The following PLA2G6 variants were observed in gnomAD, a reference collection of about 807,000 sequenced individuals.
PLA2G6 encodes the protein phospholipase A2 group VI.
A neutral mutation model predicts 83.8 loss-of-function variants in PLA2G6; 62 were observed. That is an observed-to-expected ratio of 0.74 (90% CI 0.60 to 0.91). The LOEUF is 0.91. PLA2G6 is among the 40% of genes least tolerant of loss of function. The pLI is 0.00. For missense variants in PLA2G6, 944 were observed against 1,102.0 expected, an observed-to-expected ratio of 0.86 and a Z score of 2.03; for synonymous variants, 417 against 449.8, an observed-to-expected ratio of 0.93 and a Z score of 0.92.
intron 2 of PLA2G6, among the ~76,000 whole-genome samples, chr22:38,154,032 C>T (rs2145867951): frequency 6.6e-6 from 1 of 152,308 alleles, no homozygotes; most frequent in South Asian, 2.1e-4. Context: ...GAGGGAAGAG[C>T]AGGAAGGACT....
intron 2 of PLA2G6, among the ~76,000 whole-genome samples, chr22:38,152,841 C>T (rs139040749): frequency 3.3e-5 from 5 of 152,162 alleles, no homozygotes; most frequent in South Asian, 2.1e-4. Context: ...CATATGAAAA[C>T]GCTCAATCAC....
At chr22:38,112,331 C>A in intron 16 of PLA2G6, 26 bp from the exon 17 acceptor site, 1 of 1,611,176 alleles carries the variant, frequency 6.2e-7, no homozygotes, top group South Asian at 1.1e-5. Flanking sequence ...AGGAGGGGGT[C>A]ACCCTAGGAT....
At chr22:38,165,537 A>G (rs1602255542) in intron 2 of PLA2G6, among the ~76,000 whole-genome samples, 1 of 152,180 alleles carries the variant, frequency 6.6e-6, no homozygotes, top group East Asian at 1.9e-4. Context: ...AAACTTGATC[A>G]CACTGGGCCC....
chr22:38,165,458 C>T (rs1368430914), intron 2 of PLA2G6, among the ~76,000 whole-genome samples: 1 of 152,172 alleles, frequency 6.6e-6, no homozygotes, highest in Non-Finnish European at 1.5e-5. Flanking sequence ...GGGAGTATTC[C>T]AGGCCACAGC....
At chr22:38,171,410 G>A (rs556547303) in intron 1 of PLA2G6, among the ~76,000 whole-genome samples, 4 of 152,240 alleles carry the variant, frequency 2.6e-5, no homozygotes, top group East Asian at 1.9e-4. Flanking sequence ...TGCCCAGGCT[G>A]GAGTACAGTG....
intron 10 of PLA2G6, among the ~76,000 whole-genome samples, chr22:38,124,253 C>T (rs943813374): frequency 2.6e-5 from 4 of 152,158 alleles, no homozygotes; most frequent in African/African-American, 9.7e-5. Flanking sequence ...GTGATCCTCC[C>T]GAGTAGCTGG....
intron 12 of PLA2G6, among the ~76,000 whole-genome samples, chr22:38,119,069 A>C (rs2087375385): frequency 2.0e-5 from 3 of 151,992 alleles, no homozygotes; most frequent in Admixed American, 6.6e-5. Context: ...GCATATTCCT[A>C]TTTTTGAGAA....
chr22:38,139,451 T>TTTATTTA (rs1569270652), intron 5 of PLA2G6: 2 of 79,040 alleles, frequency 2.5e-5, no homozygotes, highest in African/African-American at 8.4e-5. Flanking sequence ...TTATTTATTT[T>TTTATTTA]TTGAGACAGT....
chr22:38,168,068 ACT>A (rs1569298682), intron 2 of PLA2G6: 1 of 167,486 alleles, frequency 6.0e-6, no homozygotes, highest in African/African-American at 2.4e-5. Flanking sequence ...TGTGATCCAC[ACT>A]GTTTCCTAGG....
rs750799311 is a variant in PLA2G6, at chr22:38,139,988, T to A, written c.791A>T (p.Gln264Leu). The A allele has an allele frequency of 6.3e-7, 1 of 1,592,942 alleles. No individual in the cohort carries two copies. Among genetic ancestry groups the A allele is most frequent in the Non-Finnish European group, 8.6e-7 (1 of 1,168,396 alleles). ...GGAGGGGAGGAGGTCTTACCCCTTCTGAGAGAACTTCATGGCCGAGTGGAT... is the reference window on the plus strand; with the variant it reads ...GGAGGGGAGGAGGTCTTACCCCTTCAGAGAGAACTTCATGGCCGAGTGGAT... ...YPIHSAMKFS[Q>L]KGCAEMIISM... The change falls in exon 5 of 17, where the codon CAG becomes CTG. Residue 264 changes from glutamine (Q) to leucine (L), a missense_variant. Transcript: ENST00000332509.
rs528407468 is a variant in PLA2G6, at chr22:38,128,642, G to A, written c.1187-212C>T. On this transcript the variant is annotated intron_variant, in intron 8 of 16. Transcript: ENST00000332509. This position sits in a 1 kb window ranked among gnomAD's most constrained non-coding sequence, Gnocchi z 4.4. Reference sequence around the variant, plus strand: ...CAGCTTCCTAAGGCCAGGGAAGGAGGATATGGGAGGAGGAGGTCAGTGTCA... The same window carrying A: ...CAGCTTCCTAAGGCCAGGGAAGGAGAATATGGGAGGAGGAGGTCAGTGTCA... 6.6e-6 allele frequency among the ~76,000 whole-genome samples: 1 copy of A among 152,292 alleles called. No homozygotes were observed. The highest frequency in any genetic ancestry group is 1.5e-5 in the Non-Finnish European group (1 of 68,020).
intron 2 of PLA2G6, among the ~76,000 whole-genome samples, chr22:38,152,796 A>G (rs1015807550): frequency 6.6e-6 from 1 of 152,228 alleles, no homozygotes; most frequent in Non-Finnish European, 1.5e-5. Context: ...TAAAAAGTGT[A>G]TAACTTCCAA....
At chr22:38,115,867 C>G in intron 13 of PLA2G6, 186 bp from the exon 14 acceptor site, 2 of 1,477,352 alleles carry the variant, frequency 1.4e-6, no homozygotes, top group Admixed American at 2.2e-5. Context: ...AAGGCAGGTA[C>G]AGCTGAGGAC....
At chr22:38,173,646 G>C (rs133009) in intron 1 of PLA2G6, among the ~76,000 whole-genome samples, 76,776 of 151,928 alleles carry the variant, frequency 0.51, 19,879 homozygotes, top group South Asian at 0.64. Context: ...TGGTGTGAGG[G>C]TCCCCTGGAG....
intron 2 of PLA2G6, among the ~76,000 whole-genome samples, chr22:38,157,969 G>C (rs2089854388): frequency 6.6e-6 from 1 of 151,682 alleles, no homozygotes; most frequent in Non-Finnish European, 1.5e-5. Context: ...TCAGGAGGTG[G>C]AGGTTGCAGT....
rs111848183 is a variant in PLA2G6 at position 38,161,734 on chromosome 22, A to G, written c.209+7484T>C. Among the ~76,000 whole-genome samples the G allele has an allele frequency of 7.9e-5, 12 of 151,950 alleles. 1 individual carries two copies. The highest frequency in any genetic ancestry group is 2.9e-4 in the African/African-American group (12 of 41,440). ...AGGGAATTCTCCTCTGGCTATTTCT[A>G]TTTTCTCAGCGAGACAGCAGCAGGG... On this transcript the variant is annotated intron_variant, in intron 2 of 16. Coordinates refer to ENST00000332509, the MANE Select transcript of PLA2G6 (RefSeq NM_003560.4).
intron 7 of PLA2G6, chr22:38,130,067 T>G (rs1195324723): frequency 2.0e-5 from 5 of 253,600 alleles, no homozygotes; most frequent in Non-Finnish European, 3.9e-5. Flanking sequence ...CGTCACACAT[T>G]TCCACACCTG....
intron 5 of PLA2G6, chr22:38,135,313 A>T: frequency 1.8e-6 from 1 of 543,388 alleles, no homozygotes; most frequent in Non-Finnish European, 3.4e-6. Flanking sequence ...AGCAATGATC[A>T]CCCTCCCTGG....
chr22:38,113,415 G>C, intron 15 of PLA2G6, 72 bp downstream of exon 15: 1 of 1,429,404 alleles, frequency 7.0e-7, no homozygotes, highest in Non-Finnish European at 9.9e-7. Flanking sequence ...AGGCCCCACA[G>C]GATGAGGGGA....
Sources: gnomAD v4.1 joint callset for allele counts (sites outside exome capture counted in the v4.1 genomes callset) on GRCh38, gnomAD v4.1.1 for gene constraint, Gnocchi (gnomAD v3.1) non-coding constraint, MANE v1.5 for transcripts, NCBI Gene and HGNC (gene_info 2026-07-23, HGNC 2026-07-21) for gene names.